The following DAAM1 variants were observed in gnomAD, a reference collection of about 807,000 sequenced individuals.
DAAM1 encodes the protein dishevelled associated activator of morphogenesis 1, also known as disheveled-associated activator of morphogenesis 1.
In DAAM1, 52 loss-of-function variants were observed where a neutral mutation model predicts 130.0. The observed-to-expected ratio is 0.40, with a 90% CI of 0.32 to 0.50. DAAM1 has a LOEUF of 0.50. Among genes scored for constraint, DAAM1 ranks in the 20% least tolerant of loss-of-function variants. DAAM1 has a pLI of 0.61. For synonymous variants in DAAM1, 452 were observed against 444.5 expected (o/e 1.02, Z -0.21); for missense variants, 1,134 against 1,303.8 (o/e 0.87, Z 2.01).
chr14:59,293,809 A>G (rs1883844832), intron 3 of DAAM1, among the ~76,000 whole-genome samples: 1 of 152,228 alleles, frequency 6.6e-6, no homozygotes, highest in African/African-American at 2.4e-5. Context: ...TGAGAACATG[A>G]AAACTGAACC....
At chr14:59,244,671 A>G (rs1293614508) in intron 1 of DAAM1, among the ~76,000 whole-genome samples, 1 of 152,224 alleles carries the variant, frequency 6.6e-6, no homozygotes, top group Non-Finnish European at 1.5e-5. Flanking sequence ...CTGCCTGTCA[A>G]TTGTACCTTT....
chr14:59,357,004 G>T (rs1259791094), intron 20 of DAAM1, among the ~76,000 whole-genome samples: 3 of 152,178 alleles, frequency 2.0e-5, no homozygotes, highest in African/African-American at 4.8e-5. Context: ...TAGTGTAGGT[G>T]GTGGGACAGT....
chr14:59,348,382 T>C (rs931389289), intron 17 of DAAM1, among the ~76,000 whole-genome samples: 3 of 151,742 alleles, frequency 2.0e-5, no homozygotes, highest in African/African-American at 7.3e-5. Context: ...AATAACAATG[T>C]TGTTGATCTC....
chr14:59,317,930 A>C (rs1347791838), intron 4 of DAAM1, among the ~76,000 whole-genome samples: 1 of 152,154 alleles, frequency 6.6e-6, no homozygotes, highest in Non-Finnish European at 1.5e-5. Flanking sequence ...CTGAGATGGG[A>C]TAGGCTTCTG....
chr14:59,231,819 A>G (rs1429044235), intron 1 of DAAM1, among the ~76,000 whole-genome samples: 5 of 152,222 alleles, frequency 3.3e-5, no homozygotes, highest in South Asian at 2.1e-4. Context: ...ACCAAAGCAT[A>G]TAAGTGGACC....
intron 3 of DAAM1, among the ~76,000 whole-genome samples, chr14:59,297,970 T>C (rs1437518557): frequency 6.6e-6 from 1 of 152,116 alleles, no homozygotes; most frequent in African/African-American, 2.4e-5. Context: ...TCTGCCAAAG[T>C]GTATATAAAG....
At chr14:59,296,522 A>C (rs1404986558) in intron 3 of DAAM1, among the ~76,000 whole-genome samples, 1 of 152,212 alleles carries the variant, frequency 6.6e-6, no homozygotes. Flanking sequence ...TAGGAGAAGC[A>C]GATAGAATCA....
chr14:59,296,772 T>C (rs961937012), intron 3 of DAAM1, among the ~76,000 whole-genome samples: 2 of 152,234 alleles, frequency 1.3e-5, no homozygotes, highest in African/African-American at 4.8e-5. Context: ...CTGTACACTT[T>C]CCTCTTTGAT....
chr14:59,310,042 A>AG (rs200896783), intron 3 of DAAM1, among the ~76,000 whole-genome samples: 3,262 of 151,710 alleles, frequency 0.022, 69 homozygotes, highest in Non-Finnish European at 0.028. Context: ...AATTTATTTA[A>AG]TGTTTGTTGT....
At chr14:59,305,752 C>T (rs1884355625) in intron 3 of DAAM1, among the ~76,000 whole-genome samples, 1 of 152,196 alleles carries the variant, frequency 6.6e-6, no homozygotes, top group Non-Finnish European at 1.5e-5. Context: ...CTCTTCCCCA[C>T]AGGGTGACTA....
chr14:59,329,932 T>G (rs1750374699), intron 12 of DAAM1, among the ~76,000 whole-genome samples: 1 of 152,218 alleles, frequency 6.6e-6, no homozygotes, highest in South Asian at 2.1e-4. Flanking sequence ...CATAAAATAC[T>G]TCAAGTAGCC....
intron 24 of DAAM1, 26 bp from the exon 25 acceptor site, chr14:59,368,624 A>G (rs1887018061): frequency 6.2e-7 from 1 of 1,601,258 alleles, no homozygotes; most frequent in African/African-American, 1.4e-5. Flanking sequence ...ACATGTCTCA[A>G]AGAGGTTATT....
chr14:59,260,598 C>T (rs764137291), intron 1 of DAAM1, among the ~76,000 whole-genome samples: 1 of 152,198 alleles, frequency 6.6e-6, no homozygotes, highest in African/African-American at 2.4e-5. Context: ...TCCTTCATTA[C>T]AAGCACTTAT....
intron 1 of DAAM1, among the ~76,000 whole-genome samples, chr14:59,196,396 A>G (rs139367887): frequency 6.6e-5 from 10 of 152,236 alleles, no homozygotes; most frequent in African/African-American, 2.4e-4. Flanking sequence ...GTTCTGTAAC[A>G]AGAGGTTTAG....
chr14:59,189,534 G>T (rs1205527989), intron 1 of DAAM1, among the ~76,000 whole-genome samples: 1 of 152,086 alleles, frequency 6.6e-6, no homozygotes, highest in South Asian at 2.1e-4. Context: ...GTCCCTTGGT[G>T]TAGAGCACCT....
chr14:59,344,344 CTGGAGTTT>C (rs1438291005), intron 16 of DAAM1, among the ~76,000 whole-genome samples: 8 of 152,180 alleles, frequency 5.3e-5, no homozygotes, highest in African/African-American at 1.9e-4. Context: ...GTAGAGCAAC[CTGGAGTTT>C]TGAATACTGT....
intron 2 of DAAM1, among the ~76,000 whole-genome samples, chr14:59,272,924 G>A (rs189080774): frequency 3.2e-4 from 49 of 152,218 alleles, no homozygotes; most frequent in Admixed American, 2.7e-3. Flanking sequence ...AGTTATTTTG[G>A]CCCTGAGAAC....
At chr14:59,335,952 T>C (rs761281636) in intron 15 of DAAM1, among the ~76,000 whole-genome samples, 47 of 152,086 alleles carry the variant, frequency 3.1e-4, no homozygotes, top group Non-Finnish European at 4.7e-4. Context: ...ATTTAAGATA[T>C]TTATTTCAGT....
chr14:59,367,295 GAAAGAAATAA>G (rs1886956328), intron 23 of DAAM1, 124 bp from the exon 24 acceptor site: 49 of 1,400,614 alleles, frequency 3.5e-5, no homozygotes, highest in Non-Finnish European at 4.5e-5. Flanking sequence ...CCAAAAGAAA[GAAAGAAATAA>G]AAATAAATGA....
Sources: allele counts gnomAD v4.1 joint callset (sites outside exome capture counted in the v4.1 genomes callset), GRCh38; gene constraint gnomAD v4.1.1; transcripts MANE v1.5; gene names NCBI Gene and HGNC (gene_info 2026-07-23, HGNC 2026-07-21).